Variants in PPP1R14C observed in about 807,000 individuals in gnomAD.
The protein encoded by PPP1R14C is protein phosphatase 1 regulatory inhibitor subunit 14C.
A neutral mutation model predicts 20.4 loss-of-function variants in PPP1R14C; 16 were observed. The ratio of observed to expected loss-of-function variants is 0.78; its 90% CI spans 0.53 to 1.19. The LOEUF is 1.19. PPP1R14C is among the 50% of genes most tolerant of loss of function. The pLI is 0.00. For synonymous variants in PPP1R14C, 91 were observed against 91.0 expected (o/e 1.00, Z 0.00); for missense variants, 211 against 220.1 (o/e 0.96, Z 0.26).
chr6:150,208,700 T>G (rs1051331735), intron 1 of PPP1R14C, among the ~76,000 whole-genome samples: 2 of 152,200 alleles, frequency 1.3e-5, no homozygotes, highest in African/African-American at 2.4e-5. Flanking sequence ...CTTTGAGTGA[T>G]AGCGTTTGGC....
chr6:150,147,399 C>T (rs1045711483), intron 1 of PPP1R14C, among the ~76,000 whole-genome samples: 1 of 151,924 alleles, frequency 6.6e-6, no homozygotes, highest in African/African-American at 2.4e-5. Context: ...AGGCTGGTCT[C>T]GAACTCCTGA....
chr6:150,208,043 C>T (rs1777975784), intron 1 of PPP1R14C, among the ~76,000 whole-genome samples: 1 of 152,122 alleles, frequency 6.6e-6, no homozygotes, highest in Non-Finnish European at 1.5e-5. Flanking sequence ...CAACCAGCGC[C>T]TCATGAGAAC....
intron 1 of PPP1R14C, among the ~76,000 whole-genome samples, chr6:150,178,291 T>C (rs1777585111): frequency 6.6e-6 from 1 of 152,200 alleles, no homozygotes; most frequent in African/African-American, 2.4e-5. Context: ...CAACCTAGCC[T>C]GTGTAAGAGG....
At chr6:150,203,183 G>C (rs1374435645) in intron 1 of PPP1R14C, among the ~76,000 whole-genome samples, 1 of 152,140 alleles carries the variant, frequency 6.6e-6, no homozygotes, top group African/African-American at 2.4e-5. Context: ...CAGGTTTTCT[G>C]GCCTGAAAAT....
At chr6:150,150,978 C>T (rs1582893731) in intron 1 of PPP1R14C, among the ~76,000 whole-genome samples, 1 of 151,886 alleles carries the variant, frequency 6.6e-6, no homozygotes, top group South Asian at 2.1e-4. Context: ...CTTTTGCCTG[C>T]TCTTCAGTGA....
intron 3 of PPP1R14C, among the ~76,000 whole-genome samples, chr6:150,223,007 G>A (rs1427744100): frequency 6.6e-6 from 1 of 151,950 alleles, no homozygotes; most frequent in East Asian, 1.9e-4. Flanking sequence ...GACCTCAGGT[G>A]ATGTGCCCAC....
At chr6:150,198,351 C>T (rs975822485) in intron 1 of PPP1R14C, among the ~76,000 whole-genome samples, 13 of 149,906 alleles carry the variant, frequency 8.7e-5, no homozygotes, top group African/African-American at 2.0e-4. Flanking sequence ...CTGGCCGCCA[C>T]GGTGGAGGAG....
Position 150,149,915 on chromosome 6 carries a change from C to T in PPP1R14C, c.306+6417C>T, listed in dbSNP as rs147169928. ...TAAACTGTTCCTCCTGTTTCTAGAGCCTTCCTCATTCTCTATGTTTTGGTG... is the reference window on the plus strand; with the variant it reads ...TAAACTGTTCCTCCTGTTTCTAGAGTCTTCCTCATTCTCTATGTTTTGGTG... On this transcript the variant is annotated intron_variant, in intron 1 of 3. Coordinates refer to ENST00000361131, the MANE Select transcript of PPP1R14C (RefSeq NM_030949.3). 2.0e-3 allele frequency among the ~76,000 whole-genome samples: 312 copies of T among 152,286 alleles called. 1 individual carries two copies. Among genetic ancestry groups the T allele is most frequent in the Non-Finnish European group, 3.9e-3 (265 of 68,020 alleles).
At chr6:150,229,860 T>TA (rs918424330) in intron 3 of PPP1R14C, among the ~76,000 whole-genome samples, 7 of 152,048 alleles carry the variant, frequency 4.6e-5, no homozygotes, top group Non-Finnish European at 8.8e-5. Context: ...TCTCGAAAGA[T>TA]AAAAACAACC....
chr6:150,210,882 A>T (rs1425406854), intron 1 of PPP1R14C, among the ~76,000 whole-genome samples: 1 of 151,704 alleles, frequency 6.6e-6, no homozygotes, highest in East Asian at 1.9e-4. Flanking sequence ...CATTTCTGTC[A>T]CCTGTCTGGC....
chr6:150,205,313 G>C (rs1387209275), intron 1 of PPP1R14C, among the ~76,000 whole-genome samples: 1 of 152,092 alleles, frequency 6.6e-6, no homozygotes, highest in Non-Finnish European at 1.5e-5. Context: ...CAGCCCCTGG[G>C]TACTTCTCTT....
At chr6:150,183,697 G>C (rs1263805902) in intron 1 of PPP1R14C, among the ~76,000 whole-genome samples, 1 of 152,090 alleles carries the variant, frequency 6.6e-6, no homozygotes, top group Non-Finnish European at 1.5e-5. Flanking sequence ...ATTTTTAGTA[G>C]AGATGGGGTT....
intron 1 of PPP1R14C, among the ~76,000 whole-genome samples, chr6:150,158,632 T>C (rs1324585): frequency 0.71 from 108,784 of 152,150 alleles, 39,367 homozygotes; most frequent in East Asian, 0.9. Flanking sequence ...TTATGGGTAA[T>C]TTATTTTGTT....
rs182121834 is a variant in PPP1R14C at position 150,219,212 on chromosome 6, A to G, written c.423+2356A>G. On this transcript the variant is annotated intron_variant, in intron 3 of 3. Transcript: ENST00000361131. The stretch of plus-strand genomic sequence containing the variant: ...CCCTTTGTTTCTCTTGGAGTTGACA[A>G]TCCTTGCCTTTATTATTATTATTAT... Among the ~76,000 whole-genome samples the G allele has an allele frequency of 1.2e-3, 179 of 151,428 alleles. 1 individual carries two copies. The highest frequency in any genetic ancestry group is 4.1e-3 in the African/African-American group (169 of 41,358).
rs1448922491 is a variant in PPP1R14C, at chr6:150,185,441, CA to C, written c.307-29302del. Among the ~76,000 whole-genome samples the C allele has an allele frequency of 6.6e-6, 1 of 152,136 alleles. No individual in the cohort carries two copies. Among genetic ancestry groups the C allele is most frequent in the African/African-American group, 2.4e-5 (1 of 41,416 alleles). ...CGTCTTGCCATGGGGACCATCCTTG[CA>C]TTAACCACAGGAATTTCCAGCAACA... is the stretch of plus-strand genomic sequence containing the variant. On this transcript the variant is annotated intron_variant, in intron 1 of 3. Transcript: ENST00000361131. This position sits in a 1 kb window ranked among gnomAD's most constrained non-coding sequence, Gnocchi z 4.1.
At chr6:150,149,267 T>G (rs1777214769) in intron 1 of PPP1R14C, among the ~76,000 whole-genome samples, 1 of 151,382 alleles carries the variant, frequency 6.6e-6, no homozygotes, top group South Asian at 2.1e-4. Context: ...GCAATTTCCT[T>G]CACCCCTCTG....
chr6:150,199,719 A>G (rs932431556), intron 1 of PPP1R14C, among the ~76,000 whole-genome samples: 3 of 152,118 alleles, frequency 2.0e-5, no homozygotes, highest in Non-Finnish European at 2.9e-5. Context: ...AATTTTTAAC[A>G]TTAGCCAGGC....
intron 1 of PPP1R14C, among the ~76,000 whole-genome samples, chr6:150,146,442 G>A (rs559200918): frequency 6.6e-6 from 1 of 152,332 alleles, no homozygotes; most frequent in East Asian, 1.9e-4. Context: ...GATCTTGACA[G>A]CTACATCTTC....
In PPP1R14C at chr6:150,230,527, C is replaced by T. The variant is rs546483632; in HGVS notation, c.423+13671C>T. On this transcript the variant is annotated intron_variant, in intron 3 of 3. Transcript: ENST00000361131. ...TTCTCTCCCGTCCCCCCACCCTCTG[C>T]GTAGGGAATGGATGGGTCTTTTTTT... Among the ~76,000 whole-genome samples the T allele has an allele frequency of 2.8e-4, 42 of 152,254 alleles. No individual in the cohort carries two copies. In the South Asian group the frequency reaches 8.5e-3, roughly 31 times the overall value.
Sources: gnomAD v4.1 joint callset for allele counts (sites outside exome capture counted in the v4.1 genomes callset) on GRCh38, gnomAD v4.1.1 for gene constraint, Gnocchi (gnomAD v3.1) non-coding constraint, MANE v1.5 for transcripts, NCBI Gene and HGNC (gene_info 2026-07-23, HGNC 2026-07-21) for gene names.